The following FRZB variants were observed in gnomAD, a reference collection of about 807,000 sequenced individuals.
FRZB encodes frizzled related protein, also known as secreted frizzled-related protein 3.
Under a neutral mutation model 32.5 loss-of-function variants are expected in FRZB, and 34 were observed. The observed-to-expected ratio is 1.05, with a 90% CI of 0.80 to 1.39. The LOEUF (loss-of-function observed/expected upper bound fraction) is 1.39, where lower values mean the gene tolerates loss of function less well. FRZB is among the 40% of genes most tolerant of loss of function. FRZB has a pLI of 0.00. For synonymous variants in FRZB, 170 were observed against 159.2 expected, an observed-to-expected ratio of 1.07 and a Z score of -0.51; for missense variants, 423 against 424.8, an observed-to-expected ratio of 1.00 and a Z score of 0.04.
chr2:182,864,768 G>T (rs1332272022), intron 1 of FRZB, among the ~76,000 whole-genome samples: 1 of 152,224 alleles, frequency 6.6e-6, no homozygotes, highest in East Asian at 1.9e-4. Flanking sequence ...ATGGACTGGG[G>T]ACATGCGCCT....
intron 2 of FRZB, among the ~76,000 whole-genome samples, chr2:182,846,528 A>C (rs1291811286): frequency 6.6e-6 from 1 of 152,148 alleles, no homozygotes; most frequent in Non-Finnish European, 1.5e-5. Flanking sequence ...TTTGTGTTAC[A>C]ATCTCCTTTA....
At position 182,866,268 on chromosome 2, in the gene FRZB, G is replaced by C; in HGVS notation, c.285C>G (p.Ile95Met). ...GCTCGTGCTGGAAGTCAATGGTGCA[G>C]ATGGGCGCGTACATGGCACAGAGGA... ...LFFLCAMYAP[I>M]CTIDFQHEPI... The change falls in exon 1 of 6, where the codon ATC becomes ATG. Residue 95 changes from isoleucine to methionine, a missense_variant. Coordinates refer to ENST00000295113, the MANE Select transcript of FRZB (RefSeq NM_001463.4). This position sits in a 1 kb window ranked among gnomAD's most constrained non-coding sequence, Gnocchi z 4.5. 6.2e-7 allele frequency: 1 copy of C among 1,614,246 alleles called. No individual in the cohort carries two copies. Among genetic ancestry groups the C allele is most frequent in the Non-Finnish European group, 8.5e-7 (1 of 1,180,040 alleles).
At chr2:182,853,660 A>G (rs1242376234) in intron 2 of FRZB, among the ~76,000 whole-genome samples, 4 of 152,210 alleles carry the variant, frequency 2.6e-5, no homozygotes, top group Non-Finnish European at 5.9e-5. Context: ...TATCACCATG[A>G]TAAGATTCAG....
intron 1 of FRZB, among the ~76,000 whole-genome samples, chr2:182,863,180 T>C (rs1695852875): frequency 6.6e-6 from 1 of 152,178 alleles, no homozygotes; most frequent in Admixed American, 6.5e-5. Flanking sequence ...CAATAGTTGA[T>C]GTCGGGGCAG....
At position 182,838,425 on chromosome 2, in the gene FRZB, C is replaced by A. The variant is rs1172124949; in HGVS notation, c.781G>T (p.Asp261Tyr). 1 of 1,611,862 alleles carries A rather than the reference C, an allele frequency of 6.2e-7. No individual in the cohort carries two copies. The highest frequency in any genetic ancestry group is 2.2e-5 in the East Asian group (1 of 44,856). ...NEEYIIMGYE[D>Y]EERSRLLLVE... ...GTGAATTACCTGGAACGTTCCTCAT[C>A]TTCATAGCCCATGATGATATATTCC... Residue 261 changes from aspartate to tyrosine, a missense_variant, in exon 4 of 6, where the codon GAT (aspartate) becomes TAT (tyrosine). Coordinates refer to ENST00000295113, the MANE Select transcript of FRZB (RefSeq NM_001463.4).
chr2:182,853,484 A>G (rs531347127), intron 2 of FRZB, among the ~76,000 whole-genome samples: 63 of 152,198 alleles, frequency 4.1e-4, no homozygotes, highest in Non-Finnish European at 8.7e-4. Flanking sequence ...TCAAATAGCA[A>G]CATTACTGGA....
In FRZB at chr2:182,866,081, C is replaced by T; in HGVS notation, c.472G>A (p.Gly158Arg). 6.2e-7 allele frequency: 1 copy of T among 1,607,870 alleles called. No homozygotes were observed. Among genetic ancestry groups the T allele is most frequent in the Middle Eastern group, 1.7e-4 (1 of 6,032 alleles). The change falls in exon 1 of 6, where the codon GGA (glycine) becomes AGA (arginine). Residue 158 changes from glycine to arginine, a missense_variant. Gly to Arg is a moderately radical substitution (Grantham distance 125). Transcript: ENST00000295113. This position sits in a 1 kb window ranked among gnomAD's most constrained non-coding sequence, Gnocchi z 4.5. The part of the protein sequence containing the change: ...ISPEAIVTAD[G>R]ADFPMDSSNG... ...GGGCCGTGTCAAAACTCACCAGCTC[C>T]GTCCGCAGTAACGATGGCCTCGGGA...
intron 1 of FRZB, among the ~76,000 whole-genome samples, chr2:182,861,441 G>T (rs1291340364): frequency 6.6e-6 from 1 of 152,218 alleles, no homozygotes; most frequent in African/African-American, 2.4e-5. Context: ...GTTGCTAATG[G>T]TTCCTGTCCT....
At chr2:182,846,975 G>A (rs964701105) in intron 2 of FRZB, among the ~76,000 whole-genome samples, 3 of 152,196 alleles carry the variant, frequency 2.0e-5, no homozygotes, top group African/African-American at 7.2e-5. Flanking sequence ...AAGGGAAAGA[G>A]AACTAACATT....
intron 2 of FRZB, among the ~76,000 whole-genome samples, chr2:182,845,016 C>T (rs1435290151): frequency 1.3e-5 from 2 of 152,068 alleles, no homozygotes; most frequent in Non-Finnish European, 2.9e-5. Flanking sequence ...GATAAAATAA[C>T]AGTAATAAGG....
At position 182,837,994 on chromosome 2, in the gene FRZB, C is replaced by G; in HGVS notation, c.815G>C (p.Gly272Ala). 1.2e-6 allele frequency: 2 copies of G among 1,611,688 alleles called. No homozygotes were observed. Among genetic ancestry groups the G allele is most frequent in the South Asian group, 1.1e-5 (1 of 90,936 alleles). ...ATCCTTCCACTTCTCAGCTATAGAG[C>G]CTTCCACCAAGAGTAATCTGTATTT... ...EERSRLLLVEGSIAEKWKDRL... is the reference protein window; with the variant it reads ...EERSRLLLVEASIAEKWKDRL... Residue 272 changes from glycine to alanine, a missense_variant, in exon 5 of 6, where the codon GGC becomes GCC. Coordinates refer to ENST00000295113, the MANE Select transcript of FRZB (RefSeq NM_001463.4).
intron 2 of FRZB, among the ~76,000 whole-genome samples, chr2:182,852,084 A>G (rs780151449): frequency 1.2e-4 from 18 of 152,122 alleles, no homozygotes; most frequent in African/African-American, 3.4e-4. Context: ...TTTTTTTCCA[A>G]TAAGGTGTGG....
At position 182,856,576 on chromosome 2, in the gene FRZB, G is replaced by A. The variant is rs1033283938; in HGVS notation, c.526+2210C>T. 1.9e-4 allele frequency among the ~76,000 whole-genome samples: 29 copies of A among 152,032 alleles called. 1 individual carries two copies. Among genetic ancestry groups the A allele is most frequent in the Admixed American group, 1.4e-3 (22 of 15,280 alleles). ...AGACCCAACTATATGATGTCTACAAGAAATGTATTTAAAACACAATGACTT... is the reference window on the plus strand; with the variant it reads ...AGACCCAACTATATGATGTCTACAAAAAATGTATTTAAAACACAATGACTT... On this transcript the variant is annotated intron_variant, in intron 2 of 5. Transcript: ENST00000295113.
intron 3 of FRZB, among the ~76,000 whole-genome samples, chr2:182,839,166 A>G (rs1288558575): frequency 6.6e-6 from 1 of 152,028 alleles, no homozygotes; most frequent in Non-Finnish European, 1.5e-5. Context: ...TGGTTCTGCA[A>G]TCTTTTCACC....
At chr2:182,841,848 C>A (rs1695589380) in intron 3 of FRZB, among the ~76,000 whole-genome samples, 1 of 152,116 alleles carries the variant, frequency 6.6e-6, no homozygotes. Context: ...TTAGCACAGT[C>A]CCTGATGCAA....
intron 2 of FRZB, among the ~76,000 whole-genome samples, chr2:182,849,024 G>A (rs1440423612): frequency 2.0e-5 from 3 of 152,016 alleles, no homozygotes; most frequent in South Asian, 2.1e-4. Context: ...TCAGGAGATC[G>A]AGACCATCCT....
chr2:182,861,953 G>C (rs561407131), intron 1 of FRZB, among the ~76,000 whole-genome samples: 1 of 152,168 alleles, frequency 6.6e-6, no homozygotes, highest in Non-Finnish European at 1.5e-5. Context: ...CCCATCCAGA[G>C]TGCCTTTCAG....
intron 2 of FRZB, among the ~76,000 whole-genome samples, chr2:182,857,764 C>T (rs1246793318): frequency 6.6e-6 from 1 of 151,420 alleles, no homozygotes; most frequent in Non-Finnish European, 1.5e-5. Flanking sequence ...ATGAATAAAA[C>T]CAAAAGATGT....
At chr2:182,861,267 C>A (rs62188243) in intron 1 of FRZB, among the ~76,000 whole-genome samples, 1 of 152,110 alleles carries the variant, frequency 6.6e-6, no homozygotes, top group Non-Finnish European at 1.5e-5. Context: ...GTAGAACAGG[C>A]TCTGCTTCGA....
Sources: gnomAD v4.1 joint callset for allele counts (sites outside exome capture counted in the v4.1 genomes callset) on GRCh38, gnomAD v4.1.1 for gene constraint, Gnocchi (gnomAD v3.1) non-coding constraint, MANE v1.5 for transcripts, NCBI Gene and HGNC (gene_info 2026-07-23, HGNC 2026-07-21) for gene names.